SYCP2L: variants seen among roughly 807,000 people sequenced by gnomAD.
SYCP2L encodes the protein synaptonemal complex protein 2 like, also known as synaptonemal complex protein 2-like.
SYCP2L carries 98 observed loss-of-function variants against 125.8 expected under a neutral mutation model. That is an observed-to-expected ratio of 0.78 (90% CI 0.66 to 0.92). SYCP2L has a LOEUF of 0.92. Ranked by LOEUF, SYCP2L falls within the 40% of genes least tolerant of loss-of-function variation. SYCP2L has a pLI of 0.00. For synonymous variants in SYCP2L, 317 were observed against 325.4 expected (o/e 0.97, Z 0.28); for missense variants, 842 against 936.4 (o/e 0.90, Z 1.32).
chr6:10,930,628 C>T (rs1780979160), intron 19 of SYCP2L, 114 bp downstream of exon 19: 1 of 1,215,798 alleles, frequency 8.2e-7, no homozygotes, highest in Admixed American at 2.7e-5. Context: ...GATTATGGGG[C>T]CAGCTTTCCC....
chr6:10,910,239 C>G, intron 11 of SYCP2L, 39 bp downstream of exon 11: 6 of 1,554,166 alleles, frequency 3.9e-6, no homozygotes, highest in Non-Finnish European at 5.3e-6. Flanking sequence ...TAGTTGTATT[C>G]TGAAAATGTC....
intron 23 of SYCP2L, 105 bp downstream of exon 23, chr6:10,942,851 A>T (rs1481052150): frequency 2.9e-6 from 3 of 1,031,460 alleles, no homozygotes; most frequent in Non-Finnish European, 2.8e-6. Context: ...GTCACTTTGC[A>T]CAGTGACTAT....
In SYCP2L at chr6:10,963,636, G is replaced by T. The variant is rs77677046; in HGVS notation, c.2415-146G>T. ...TCAGATGAACATGTTAATCTCTTACGTTAATATCCTGGGGTGTTGGTGTCT... is the reference window on the plus strand; with the variant it reads ...TCAGATGAACATGTTAATCTCTTACTTTAATATCCTGGGGTGTTGGTGTCT... On this transcript the variant is annotated intron_variant, in intron 28 of 29. Coordinates refer to ENST00000283141, the MANE Select transcript of SYCP2L (RefSeq NM_001040274.3). 6 of 719,722 alleles carry T rather than the reference G, an allele frequency of 8.3e-6. No homozygotes were observed. The South Asian group carries it at 1.1e-4, about 13-fold the overall frequency. 44.6% of individuals were successfully genotyped at this position (719,722 alleles called of 1,614,324 possible). A position where few individuals can be genotyped will look rare whatever the true frequency, so the allele number is the denominator to read the frequency against.
chr6:10,958,763 G>C (rs1277045648), intron 25 of SYCP2L, 21 bp from the exon 26 acceptor site: 1 of 1,594,768 alleles, frequency 6.3e-7, no homozygotes, highest in Non-Finnish European at 8.5e-7. Flanking sequence ...TGATCATCTT[G>C]TTATTGTTGT....
chr6:10,962,627 T>C lies in SYCP2L; in HGVS notation c.2414+1069T>C, dbSNP rs960558811. 2.0e-5 allele frequency among the ~76,000 whole-genome samples: 3 copies of C among 146,660 alleles called. No homozygotes were observed. In the East Asian group the frequency reaches 6.1e-4, roughly 30 times the overall value. On this transcript the variant is annotated intron_variant, in intron 28 of 29. Coordinates refer to ENST00000283141, the MANE Select transcript of SYCP2L (RefSeq NM_001040274.3). ...AAAAATTGAGACAGATTTTTAAAAA[T>C]ACACTTATTTTAAAATAACAACAAT...
chr6:10,908,442 T>G (rs1413589186), intron 10 of SYCP2L, among the ~76,000 whole-genome samples: 1 of 151,410 alleles, frequency 6.6e-6, no homozygotes, highest in East Asian at 1.9e-4. Flanking sequence ...AAACAATACT[T>G]TTTTTTTTCT....
Position 10,888,067 on chromosome 6 carries a change from T to TA in SYCP2L, c.9+932_9+933insA, listed in dbSNP as rs1317458245. Among the ~76,000 whole-genome samples the TA allele has an allele frequency of 3.8e-3, 18 of 4,792 alleles. 4 individuals are homozygous for TA. Among genetic ancestry groups the TA allele is most frequent in the African/African-American group, 5.3e-3 (5 of 942 alleles). The allele number at this position is 4,792 out of a possible 152,430, so 3.1% of individuals were successfully genotyped here. A position where few individuals can be genotyped will look rare whatever the true frequency, so the allele number is the denominator to read the frequency against. On this transcript the variant is annotated intron_variant, in intron 1 of 29. Coordinates refer to ENST00000283141, the MANE Select transcript of SYCP2L (RefSeq NM_001040274.3). ...ATCCTTCCATATAGGTGTTACCATC[T>TA]TTTTTTTTTTTTTTTTTTTTTTTTT...
intron 29 of SYCP2L, among the ~76,000 whole-genome samples, chr6:10,968,922 G>A (rs1781722876): frequency 6.6e-6 from 1 of 152,226 alleles, no homozygotes; most frequent in Non-Finnish European, 1.5e-5. Flanking sequence ...CACTTCGTGA[G>A]TTTTCTGGCA....
At chr6:10,922,712 A>G (rs555371620) in intron 14 of SYCP2L, 1 of 152,254 alleles carries the variant, frequency 6.6e-6, no homozygotes, top group African/African-American at 2.4e-5. Context: ...AGTGATGAGT[A>G]AAATGTCCGG....
rs762692324 is a variant in SYCP2L, at chr6:10,898,134, C to T, written c.441+19C>T. On this transcript the variant is annotated intron_variant, in intron 5 of 29. Transcript: ENST00000283141. ...TGCATTGGTAAGGATGGGATGGATG[C>T]TTCACTGAGCAGATGCCATTGGTAA... 1 of 1,526,988 alleles carries T rather than the reference C, an allele frequency of 6.5e-7. No individual in the cohort carries two copies. Among genetic ancestry groups the T allele is most frequent in the Non-Finnish European group, 9.1e-7 (1 of 1,101,004 alleles). 94.6% of individuals were successfully genotyped at this position (1,526,988 alleles called of 1,614,324 possible). A position where few individuals can be genotyped will look rare whatever the true frequency, so the allele number is the denominator to read the frequency against.
chr6:10,963,718 T>C, intron 28 of SYCP2L, 64 bp from the exon 29 acceptor site: 4 of 1,506,952 alleles, frequency 2.7e-6, no homozygotes, highest in Non-Finnish European at 3.7e-6. Flanking sequence ...TGTATCTAGA[T>C]GTATGTTCTT....
rs181208840 is a variant in SYCP2L at position 10,939,633 on chromosome 6, C to T, written c.1814-2826C>T. 3.1e-3 allele frequency among the ~76,000 whole-genome samples: 471 copies of T among 152,272 alleles called. 1 individual carries two copies. The highest frequency in any genetic ancestry group is 5.0e-3 in the Non-Finnish European group (340 of 68,020). On this transcript the variant is annotated intron_variant, in intron 21 of 29. Coordinates refer to ENST00000283141, the MANE Select transcript of SYCP2L (RefSeq NM_001040274.3). ...AGAATACACAATGAGGAAAGGAAAG[C>T]GTCTTCAATAAATGTTTTGGGAAAA...
At chr6:10,909,197 C>T (rs934651522) in intron 10 of SYCP2L, among the ~76,000 whole-genome samples, 4 of 137,658 alleles carry the variant, frequency 2.9e-5, no homozygotes, top group Non-Finnish European at 6.0e-5. Flanking sequence ...GGCATGATCT[C>T]GGCTCACTGC....
Position 10,942,748 on chromosome 6 carries a change from T to G in SYCP2L, c.1954+2T>G. The G allele has an allele frequency of 6.3e-7, 1 of 1,588,812 alleles. No homozygotes were observed. The highest frequency in any genetic ancestry group is 8.5e-7 in the Non-Finnish European group (1 of 1,170,054). On this transcript the variant is annotated splice_donor_variant, in intron 23 of 29. Transcript: ENST00000283141. LOFTEE classifies it high-confidence loss of function. ...AGCTGAGAAACTTGGAAGACAAAGG[T>G]AAGAGAATAGTACTTTTTTTTTTTT...
intron 1 of SYCP2L, among the ~76,000 whole-genome samples, chr6:10,891,041 G>A (rs901023932): frequency 2.0e-5 from 3 of 152,166 alleles, no homozygotes; most frequent in African/African-American, 7.2e-5. Context: ...GTCTACATAT[G>A]TGTCTGTTTT....
intron 29 of SYCP2L, among the ~76,000 whole-genome samples, chr6:10,971,746 A>G (rs1323111690): frequency 6.6e-6 from 1 of 152,096 alleles, no homozygotes; most frequent in Non-Finnish European, 1.5e-5. Context: ...GTGCAGTGGC[A>G]CGATCTTAGC....
Position 10,893,935 on chromosome 6 carries a change from G to A in SYCP2L, c.147G>A (p.Gln49=). 1 of 1,612,680 alleles carries A rather than the reference G, an allele frequency of 6.2e-7. No individual in the cohort carries two copies. The highest frequency in any genetic ancestry group is 1.7e-5 in the Admixed American group (1 of 59,766). Residue 49 remains glutamine (Q), a synonymous_variant, in exon 3 of 30, where the codon CAG becomes CAA. Transcript: ENST00000283141. ...GFQKIKEYFQ[Q]KESHFPQKYN... Reference sequence around the variant, plus strand: ...AGAAAATAAAAGAATACTTTCAACAGAAAGAGAGCCACTTTCCTCAAAAAT... The same window carrying A: ...AGAAAATAAAAGAATACTTTCAACAAAAAGAGAGCCACTTTCCTCAAAAAT...
At chr6:10,951,095 A>G (rs1781401794) in intron 23 of SYCP2L, among the ~76,000 whole-genome samples, 1 of 152,058 alleles carries the variant, frequency 6.6e-6, no homozygotes, top group Admixed American at 6.6e-5. Context: ...CTCCATAAGT[A>G]TTTGTCAAGG....
chr6:10,920,323 T>C (rs1780772325), intron 14 of SYCP2L, among the ~76,000 whole-genome samples: 1 of 152,212 alleles, frequency 6.6e-6, no homozygotes, highest in African/African-American at 2.4e-5. Flanking sequence ...GTTCAAACGA[T>C]TCTCCTGCCT....
Sources: gnomAD v4.1 joint callset for allele counts (sites outside exome capture counted in the v4.1 genomes callset) on GRCh38, gnomAD v4.1.1 for gene constraint, MANE v1.5 for transcripts, NCBI Gene and HGNC (gene_info 2026-07-23, HGNC 2026-07-21) for gene names.